Variants in MIS18BP1 observed in about 807,000 individuals in gnomAD.
The protein encoded by MIS18BP1 is mis18-binding protein 1.
MIS18BP1 carries 72 observed loss-of-function variants against 116.1 expected under a neutral mutation model. The ratio of observed to expected loss-of-function variants is 0.62; its 90% CI spans 0.51 to 0.75. The LOEUF (loss-of-function observed/expected upper bound fraction) is 0.75. Ranked by LOEUF, MIS18BP1 falls within the 30% of genes least tolerant of loss-of-function variation. The pLI, the probability that MIS18BP1 is intolerant of heterozygous loss-of-function variation, is 0.00. For synonymous variants in MIS18BP1, 386 were observed against 427.0 expected (o/e 0.90, Z 1.18); for missense variants, 1,363 against 1,303.2 (o/e 1.05, Z -0.71).
At chr14:45,232,662 G>T (rs1429750308) in intron 7 of MIS18BP1, 71 bp downstream of exon 7, 3 of 837,980 alleles carry the variant, frequency 3.6e-6, no homozygotes, top group South Asian at 3.1e-5. Context: ...GGACATGGTG[G>T]CACACACATA....
At chr14:45,210,357 A>G (rs372675922) in intron 14 of MIS18BP1, 23 bp downstream of exon 14, 303 of 1,608,352 alleles carry the variant, frequency 1.9e-4, no homozygotes, top group Non-Finnish European at 2.4e-4. Flanking sequence ...GAGAATTAAC[A>G]TATCATATGC....
At chr14:45,249,220 T>C (rs1300033064) in intron 1 of MIS18BP1, among the ~76,000 whole-genome samples, 5 of 152,146 alleles carry the variant, frequency 3.3e-5, no homozygotes, top group Non-Finnish European at 5.9e-5. Context: ...GCTTCCCAAG[T>C]AGCTGGGATC....
intron 4 of MIS18BP1, among the ~76,000 whole-genome samples, chr14:45,239,832 T>G (rs1891527803): frequency 6.6e-6 from 1 of 151,798 alleles, no homozygotes; most frequent in South Asian, 2.1e-4. Flanking sequence ...TTCAGGAGAG[T>G]AGAGCCAATG....
At chr14:45,231,064 C>T (rs1891259916) in intron 8 of MIS18BP1, 77 bp downstream of exon 8, 2 of 1,472,872 alleles carry the variant, frequency 1.4e-6, no homozygotes, top group African/African-American at 1.4e-5. Flanking sequence ...CTACTATACA[C>T]ATTATAAACC....
At chr14:45,226,948 C>T (rs564148988) in intron 9 of MIS18BP1, 112 bp from the exon 10 acceptor site, 10 of 921,190 alleles carry the variant, frequency 1.1e-5, no homozygotes, top group Admixed American at 4.6e-5. Context: ...CTTACAGTTC[C>T]GCAAATTTCA....
rs1444354849 is a variant in MIS18BP1 at position 45,224,149 on chromosome 14, A to C, written c.2438T>G (p.Ile813Ser). ...AGTTTCAGGTTCCAAAATCACTGGA[A>C]TATTACTTGTGTTTCTTGTGCTCTT... is the stretch of plus-strand genomic sequence containing the variant. ...LRKSTRNTSN[I>S]PVILEPETEE... The change falls in exon 11 of 17, where the codon ATT (isoleucine) becomes AGT (serine). Residue 813 changes from isoleucine to serine, a missense_variant. Physicochemically the swap from Ile to Ser is moderately radical, Grantham distance 142. Transcript: ENST00000310806. 2 of 1,613,750 alleles carry C rather than the reference A, an allele frequency of 1.2e-6. No homozygotes were observed. The highest frequency in any genetic ancestry group is 1.1e-5 in the South Asian group (1 of 91,034).
In MIS18BP1 at chr14:45,242,237, A is replaced by C; in HGVS notation, c.940T>G (p.Ser314Ala). 6.2e-7 allele frequency: 1 copy of C among 1,614,126 alleles called. No homozygotes were observed. The highest frequency in any genetic ancestry group is 2.2e-5 in the East Asian group (1 of 44,872). The stretch of plus-strand genomic sequence containing the variant: ...TTTCCTTCCTTAACTTTCTGTTGCG[A>C]AGTCCCTTCTGTTGTCCTCTCACTA... ...SDSERTTEGTSQQKVKEGNGK... is the reference protein window; with the variant it reads ...SDSERTTEGTAQQKVKEGNGK... Residue 314 changes from serine (S) to alanine (A), a missense_variant, in exon 4 of 17, where the codon TCG becomes GCG. Ser to Ala is a moderately conservative substitution (Grantham distance 99). Transcript: ENST00000310806.
At chr14:45,244,424 C>A (rs962861075) in intron 2 of MIS18BP1, among the ~76,000 whole-genome samples, 3 of 152,114 alleles carry the variant, frequency 2.0e-5, no homozygotes, top group Non-Finnish European at 4.4e-5. Flanking sequence ...ATATACACTT[C>A]ACAATCCCTC....
chr14:45,237,624 AG>A, intron 5 of MIS18BP1, 23 bp downstream of exon 5: 1 of 1,583,040 alleles, frequency 6.3e-7, no homozygotes, highest in Non-Finnish European at 8.5e-7. Flanking sequence ...TTTTATTAAA[AG>A]AATAATGAAA....
chr14:45,206,347 C>A (rs1491003267), intron 14 of MIS18BP1, 177 bp from the exon 15 acceptor site: 1 of 521,492 alleles, frequency 1.9e-6, no homozygotes, highest in Non-Finnish European at 3.5e-6. Context: ...AGTGCAGTAA[C>A]ATGATAATGG....
rs1176767131 is a variant in MIS18BP1 at position 45,231,271 on chromosome 14, G to T, written c.1464C>A (p.Thr488=). The T allele has an allele frequency of 6.2e-7, 1 of 1,608,094 alleles. No homozygotes were observed. The highest frequency in any genetic ancestry group is 8.5e-7 in the Non-Finnish European group (1 of 1,176,768). ...ATCTTCCAGTTTTCTGTTTTTGTTT[G>T]GTCTTTTCCCTGTTCTTTTCACCAG... is the stretch of plus-strand genomic sequence containing the variant. ...LRAGEKNREK[T]KQKQKTGRSV... is the part of the protein sequence containing the mutation. The change falls in exon 8 of 17, where the codon ACC becomes ACA. Residue 488 remains threonine, a synonymous_variant. Coordinates refer to ENST00000310806, the MANE Select transcript of MIS18BP1 (RefSeq NM_018353.5).
chr14:45,246,656 A>G, intron 2 of MIS18BP1, 87 bp downstream of exon 2: 3 of 1,237,768 alleles, frequency 2.4e-6, no homozygotes, highest in Non-Finnish European at 2.2e-6. Flanking sequence ...CATTTTGTTC[A>G]CTGCTATATT....
rs112774166 is a variant in MIS18BP1, at chr14:45,204,868, A to G, written c.3241-415T>C. 1.6e-3 allele frequency among the ~76,000 whole-genome samples: 238 copies of G among 152,216 alleles called. 2 individuals are homozygous for G. The highest frequency in any genetic ancestry group is 5.6e-3 in the African/African-American group (233 of 41,568). ...CAATACTATACTGTACTATTACAGT[A>G]TAGTAATTACTATACAGAATACTAA... On this transcript the variant is annotated intron_variant, in intron 15 of 16. Coordinates refer to ENST00000310806, the MANE Select transcript of MIS18BP1 (RefSeq NM_018353.5).
intron 13 of MIS18BP1, among the ~76,000 whole-genome samples, chr14:45,213,449 C>G (rs2139153940): frequency 6.6e-6 from 1 of 152,314 alleles, no homozygotes; most frequent in South Asian, 2.1e-4. Context: ...GACTTAATTT[C>G]TCTTGTGTAA....
chr14:45,231,797 T>C (rs1281366736), intron 7 of MIS18BP1, among the ~76,000 whole-genome samples: 1 of 152,196 alleles, frequency 6.6e-6, no homozygotes, highest in Non-Finnish European at 1.5e-5. Context: ...ATATTTGTGC[T>C]GTGATTAAGT....
intron 11 of MIS18BP1, among the ~76,000 whole-genome samples, chr14:45,222,584 T>C (rs1174128769): frequency 6.6e-6 from 1 of 152,208 alleles, no homozygotes; most frequent in East Asian, 1.9e-4. Context: ...TCTGCAGTGC[T>C]GTTAGGATCT....
At position 45,232,670 on chromosome 14, in the gene MIS18BP1, A is replaced by G. The variant is rs1293868857; in HGVS notation, c.1436+63T>C. 6.5e-6 allele frequency: 6 copies of G among 920,830 alleles called. No homozygotes were observed. The Admixed American group carries it at 1.5e-4, about 23-fold the overall frequency. The allele number at this position is 920,830 out of a possible 1,614,324, so 57.0% of individuals were successfully genotyped here. A position where few individuals can be genotyped will look rare whatever the true frequency, so the allele number is the denominator to read the frequency against. On this transcript the variant is annotated intron_variant, in intron 7 of 16. Transcript: ENST00000310806. ...ATTAGCTGGACATGGTGGCACACAC[A>G]TAATTAAATGTAAATTATATCTCAA...
chr14:45,245,498 G>A (rs531722187), intron 2 of MIS18BP1, among the ~76,000 whole-genome samples: 2 of 152,044 alleles, frequency 1.3e-5, no homozygotes, highest in Admixed American at 6.6e-5. Context: ...CCGAGTAGCT[G>A]GGATTACAAG....
Position 45,246,916 on chromosome 14 carries a change from C to T in MIS18BP1, c.371G>A (p.Arg124His), listed in dbSNP as rs370145105. ...TCTTGATGGCTGTTCTTGCTTGTCA[C>T]GCAGTACTTTTTCTTTCATTCTTAG... ...IFLRMKEKVL[R>H]DKQEQPSRNS... Residue 124 changes from arginine (R) to histidine (H), a missense_variant, in exon 2 of 17, where the codon CGT (arginine) becomes CAT (histidine). Arg to His is a conservative substitution (Grantham distance 29). Transcript: ENST00000310806. 2.9e-5 allele frequency: 46 copies of T among 1,605,944 alleles called. No individual in the cohort carries two copies. In the South Asian group the frequency reaches 3.3e-4, roughly 11 times the overall value.
Sources: allele counts gnomAD v4.1 joint callset (sites outside exome capture counted in the v4.1 genomes callset), GRCh38; gene constraint gnomAD v4.1.1; transcripts MANE v1.5; gene names NCBI Gene and HGNC (gene_info 2026-07-23, HGNC 2026-07-21).